TRABD2B: variants seen among roughly 807,000 people sequenced by gnomAD.
The protein encoded by TRABD2B is TraB domain containing 2B, also known as metalloprotease TIKI2.
In TRABD2B, 14 loss-of-function variants were observed where a neutral mutation model predicts 40.1. That is an observed-to-expected ratio of 0.35 (90% confidence interval 0.23 to 0.55). The LOEUF (loss-of-function observed/expected upper bound fraction) is 0.55, where lower values mean the gene tolerates loss of function less well. Ranked by LOEUF, TRABD2B falls within the 20% of genes least tolerant of loss-of-function variation. The pLI, the probability that TRABD2B is intolerant of heterozygous loss-of-function variation, is 0.90. For synonymous variants in TRABD2B, 263 were observed against 277.0 expected, an observed-to-expected ratio of 0.95 and a Z score of 0.50; for missense variants, 541 against 648.6, an observed-to-expected ratio of 0.83 and a Z score of 1.80.
chr1:47,979,521 G>A (rs1451968726), intron 2 of TRABD2B, among the ~76,000 whole-genome samples: 1 of 152,156 alleles, frequency 6.6e-6, no homozygotes, highest in African/African-American at 2.4e-5. Flanking sequence ...AGCGAGGGGA[G>A]GGACTTGCTC....
At chr1:47,808,095 C>T (rs914434878) in intron 2 of TRABD2B, among the ~76,000 whole-genome samples, 19 of 152,188 alleles carry the variant, frequency 1.2e-4, no homozygotes, top group African/African-American at 4.6e-4. Context: ...ATGCAGATTA[C>T]CCTCCATAAC....
chr1:47,869,844 C>A (rs571183975), intron 2 of TRABD2B, among the ~76,000 whole-genome samples: 1 of 152,080 alleles, frequency 6.6e-6, no homozygotes, highest in African/African-American at 2.4e-5. Flanking sequence ...TTGGAAGCCA[C>A]GGAGGCAGCT....
intron 2 of TRABD2B, among the ~76,000 whole-genome samples, chr1:47,923,915 T>TACAC (rs60288001): frequency 9.0e-5 from 12 of 132,608 alleles, no homozygotes; most frequent in African/African-American, 2.5e-4. Flanking sequence ...CATACACACA[T>TACAC]ACACACACAC....
intron 6 of TRABD2B, among the ~76,000 whole-genome samples, chr1:47,770,935 G>A (rs55746260): frequency 0.22 from 34,219 of 152,174 alleles, 4,819 homozygotes; most frequent in Non-Finnish European, 0.32. Flanking sequence ...TAAAGCTTAC[G>A]AGCATCATCT....
chr1:47,943,377 G>T (rs894230939), intron 2 of TRABD2B, among the ~76,000 whole-genome samples: 2 of 152,178 alleles, frequency 1.3e-5, no homozygotes, highest in African/African-American at 4.8e-5. Context: ...TCAATATTGT[G>T]CACTTTCAGC....
chr1:47,899,690 G>A (rs1400788454), intron 2 of TRABD2B, among the ~76,000 whole-genome samples: 1 of 152,120 alleles, frequency 6.6e-6, no homozygotes, highest in African/African-American at 2.4e-5. Context: ...TGCAATAGTG[G>A]TGGTGGTGGT....
chr1:47,853,287 C>G (rs1179167588), intron 2 of TRABD2B, among the ~76,000 whole-genome samples: 3 of 152,242 alleles, frequency 2.0e-5, no homozygotes, highest in Non-Finnish European at 4.4e-5. Context: ...CCGGCATTGT[C>G]TAGCAGTGGC....
At chr1:47,842,281 C>T (rs1196302897) in intron 2 of TRABD2B, among the ~76,000 whole-genome samples, 1 of 152,200 alleles carries the variant, frequency 6.6e-6, no homozygotes, top group Non-Finnish European at 1.5e-5. Context: ...CGGTTGGAGG[C>T]CACTGATTCA....
chr1:47,992,448 TTG>T (rs1646025348), intron 2 of TRABD2B, among the ~76,000 whole-genome samples: 2 of 152,166 alleles, frequency 1.3e-5, no homozygotes, highest in East Asian at 3.8e-4. Context: ...TAGCCAGAGT[TTG>T]TGTGTGCTCC....
chr1:47,820,727 T>A (rs1645095080), intron 2 of TRABD2B, among the ~76,000 whole-genome samples: 1 of 151,244 alleles, frequency 6.6e-6, no homozygotes, highest in Admixed American at 6.6e-5. Context: ...CAGGTGGGAA[T>A]AGCAACGTTA....
chr1:47,927,295 G>A (rs1006752853), intron 2 of TRABD2B, among the ~76,000 whole-genome samples: 1 of 152,154 alleles, frequency 6.6e-6, no homozygotes, highest in Non-Finnish European at 1.5e-5. Flanking sequence ...TTGCAGCCCC[G>A]TCTCCCTGAC....
intron 2 of TRABD2B, among the ~76,000 whole-genome samples, chr1:47,891,031 C>CT (rs36061770): frequency 0.34 from 51,103 of 152,082 alleles, 9,185 homozygotes; most frequent in Non-Finnish European, 0.4. Context: ...ACATAGGGAA[C>CT]AGTGGCTGAG....
chr1:47,959,827 A>G (rs1645483405), intron 2 of TRABD2B, among the ~76,000 whole-genome samples: 1 of 152,186 alleles, frequency 6.6e-6, no homozygotes, highest in African/African-American at 2.4e-5. Flanking sequence ...ACTCCAATCA[A>G]TAGAAAAAGG....
intron 2 of TRABD2B, among the ~76,000 whole-genome samples, chr1:47,844,009 C>T (rs1213094913): frequency 6.6e-6 from 1 of 152,176 alleles, no homozygotes; most frequent in Non-Finnish European, 1.5e-5. Flanking sequence ...TGACTTTAGC[C>T]CTAACTCCTG....
chr1:47,923,898 C>CTACACACA (rs1159824192), intron 2 of TRABD2B, among the ~76,000 whole-genome samples: 1 of 140,124 alleles, frequency 7.1e-6, no homozygotes, highest in East Asian at 2.1e-4. Flanking sequence ...CTCTCACTCT[C>CTACACACA]TACACACATA....
chr1:47,923,232 A>C (rs1468283840), intron 2 of TRABD2B, among the ~76,000 whole-genome samples: 1 of 152,182 alleles, frequency 6.6e-6, no homozygotes, highest in Non-Finnish European at 1.5e-5. Flanking sequence ...TCATTCTTAC[A>C]TGCTCTGTAC....
At chr1:47,904,017 C>A (rs1644641041) in intron 2 of TRABD2B, among the ~76,000 whole-genome samples, 1 of 152,136 alleles carries the variant, frequency 6.6e-6, no homozygotes, top group African/African-American at 2.4e-5. Flanking sequence ...TGTGATGAAC[C>A]CATGAGCTCA....
chr1:47,830,197 C>T (rs767223732), intron 2 of TRABD2B, among the ~76,000 whole-genome samples: 4 of 152,258 alleles, frequency 2.6e-5, no homozygotes, highest in East Asian at 1.9e-4. Flanking sequence ...GCAGCAGCAT[C>T]GCACCCTCAT....
chr1:47,915,746 G>A (rs72692151), intron 2 of TRABD2B, among the ~76,000 whole-genome samples: 31,541 of 152,054 alleles, frequency 0.21, 3,589 homozygotes, highest in Admixed American at 0.26. Flanking sequence ...TCGCCTTTGG[G>A]GGATGTGCTG....
Sources: gnomAD v4.1 joint callset for allele counts (sites outside exome capture counted in the v4.1 genomes callset) on GRCh38, gnomAD v4.1.1 for gene constraint, MANE v1.5 for transcripts, NCBI Gene and HGNC (gene_info 2026-07-23, HGNC 2026-07-21) for gene names.